The following TRPC4 variants were observed in gnomAD, a reference collection of about 807,000 sequenced individuals.
TRPC4 encodes short transient receptor potential channel 4.
Under a neutral mutation model 99.4 loss-of-function variants are expected in TRPC4, and 49 were observed. The ratio of observed to expected loss-of-function variants is 0.49; its 90% confidence interval spans 0.39 to 0.63. The LOEUF (loss-of-function observed/expected upper bound fraction) is 0.63, where lower values mean the gene tolerates loss of function less well. Ranked by LOEUF, TRPC4 falls within the 20% of genes least tolerant of loss-of-function variation. The pLI, the probability that TRPC4 is intolerant of heterozygous loss-of-function variation, is 0.00. For missense variants in TRPC4, 898 were observed against 1,152.9 expected (o/e 0.78, Z 3.20); for synonymous variants, 454 against 425.9 (o/e 1.07, Z -0.81).
Position 37,642,952 on chromosome 13 carries a change from G to A in TRPC4, c.2080-3653C>T, listed in dbSNP as rs140542217. 5.3e-4 allele frequency among the ~76,000 whole-genome samples: 80 copies of A among 152,084 alleles called. No homozygotes were observed. The East Asian group carries it at 0.014, about 27-fold the overall frequency. On this transcript the variant is annotated intron_variant, in intron 8 of 10. Coordinates refer to ENST00000379705, the MANE Select transcript of TRPC4 (RefSeq NM_016179.4). ...TCACCATGTTGGTCAGGCTGATCTC[G>A]AACTCCTGACCTTGAGATCTGCCTG... is the stretch of plus-strand genomic sequence containing the variant.
intron 7 of TRPC4, among the ~76,000 whole-genome samples, chr13:37,652,156 C>T (rs1952067822): frequency 6.6e-6 from 1 of 152,178 alleles, no homozygotes; most frequent in South Asian, 2.1e-4. Flanking sequence ...AACTTTGGTA[C>T]ATTTGTGGCA....
intron 2 of TRPC4, among the ~76,000 whole-genome samples, chr13:37,750,443 T>G: frequency 6.6e-6 from 1 of 151,672 alleles, no homozygotes; most frequent in African/African-American, 2.4e-5. Flanking sequence ...CATTTGCAAA[T>G]AACTTTTTTA....
At position 37,700,623 on chromosome 13, in the gene TRPC4, C is replaced by T. The variant is rs895561515; in HGVS notation, c.898-8288G>A. 3.3e-5 allele frequency among the ~76,000 whole-genome samples: 5 copies of T among 152,120 alleles called. 1 individual carries two copies. Among genetic ancestry groups the T allele is most frequent in the Admixed American group, 1.3e-4 (2 of 15,268 alleles). ...ATTCCTTTTAACATAATATCAAGAC[C>T]TATAGTTTTAGAAAAAATTAAATTG... On this transcript the variant is annotated intron_variant, in intron 3 of 10. Coordinates refer to ENST00000379705, the MANE Select transcript of TRPC4 (RefSeq NM_016179.4).
chr13:37,733,456 G>T (rs1339874311), intron 3 of TRPC4, among the ~76,000 whole-genome samples: 2 of 152,124 alleles, frequency 1.3e-5, no homozygotes, highest in Non-Finnish European at 1.5e-5. Flanking sequence ...GGATGACTCA[G>T]ATTTCTAACA....
At chr13:37,735,640 GA>G (rs1413942846) in intron 3 of TRPC4, among the ~76,000 whole-genome samples, 2 of 152,026 alleles carry the variant, frequency 1.3e-5, no homozygotes, top group Non-Finnish European at 2.9e-5. Context: ...GTTTTATGCT[GA>G]AAAACAATTC....
At chr13:37,838,673 C>G (rs1034764769) in intron 1 of TRPC4, among the ~76,000 whole-genome samples, 2 of 152,174 alleles carry the variant, frequency 1.3e-5, no homozygotes, top group Non-Finnish European at 1.5e-5. Context: ...TTACCTTTTA[C>G]TTGCCCTGAC....
intron 6 of TRPC4, among the ~76,000 whole-genome samples, chr13:37,663,056 C>T (rs1314001065): frequency 6.6e-6 from 1 of 152,174 alleles, no homozygotes; most frequent in Non-Finnish European, 1.5e-5. Context: ...CTTGAATTTT[C>T]CAACATGAGT....
chr13:37,724,108 C>G lies in TRPC4; in HGVS notation c.897+21829G>C, dbSNP rs148976251. ...TATTTATGAATTCCATATATCACTT[C>G]AAAATAATAAAGTAAATATGTAATT... On this transcript the variant is annotated intron_variant, in intron 3 of 10. Transcript: ENST00000379705. Among the ~76,000 whole-genome samples, 83 of 152,020 alleles carry G rather than the reference C, an allele frequency of 5.5e-4. 1 individual carries two copies. The East Asian group carries it at 0.015, about 27-fold the overall frequency.
Position 37,693,522 on chromosome 13 carries a change from A to T in TRPC4, c.898-1187T>A, listed in dbSNP as rs1593527192. ...TTTACAGGACTCTCCACCCAACTCCACATTTCCCATCTTTCTTCTTTAGTT... is the reference window on the plus strand; with the variant it reads ...TTTACAGGACTCTCCACCCAACTCCTCATTTCCCATCTTTCTTCTTTAGTT... On this transcript the variant is annotated intron_variant, in intron 3 of 10. Transcript: ENST00000379705. 2.0e-5 allele frequency among the ~76,000 whole-genome samples: 3 copies of T among 152,332 alleles called. 1 individual carries two copies. The highest frequency in any genetic ancestry group is 2.0e-4 in the Admixed American group (3 of 15,300).
At position 37,745,757 on chromosome 13, in the gene TRPC4, C is replaced by CCACTTT. The variant is rs1300882847; in HGVS notation, c.897+179_897+180insAAAGTG. ...GAGGCCAAAAACATCAATTATTAAACCATTTATTACCACTCTTCAATGTGA... is the reference window on the plus strand; with the variant it reads ...GAGGCCAAAAACATCAATTATTAAACCACTTTCATTTATTACCACTCTTCAATGTGA... On this transcript the variant is annotated intron_variant, in intron 3 of 10. Coordinates refer to ENST00000379705, the MANE Select transcript of TRPC4 (RefSeq NM_016179.4). Among the ~76,000 whole-genome samples the CCACTTT allele has an allele frequency of 4.6e-5, 7 of 151,756 alleles. No homozygotes were observed. The South Asian group carries it at 1.0e-3, about 22-fold the overall frequency.
rs1025126205 is a variant in TRPC4 at position 37,768,956 on chromosome 13, T to C, written c.378+14000A>G. 4.0e-5 allele frequency among the ~76,000 whole-genome samples: 6 copies of C among 151,466 alleles called. No homozygotes were observed. The Admixed American group carries it at 4.0e-4, about 10-fold the overall frequency. ...TTTAAAATTCATTTTGCTAGACAAT[T>C]AAGCAAAAAGAAACCCAAAGAAATA... is the stretch of plus-strand genomic sequence containing the variant. On this transcript the variant is annotated intron_variant, in intron 2 of 10. Transcript: ENST00000379705.
At chr13:37,764,384 C>T (rs1252915581) in intron 2 of TRPC4, among the ~76,000 whole-genome samples, 2 of 150,112 alleles carry the variant, frequency 1.3e-5, no homozygotes, top group Non-Finnish European at 3.0e-5. Context: ...AATGTATAGA[C>T]CAACTTTGAT....
intron 5 of TRPC4, among the ~76,000 whole-genome samples, chr13:37,665,801 C>T (rs1952626708): frequency 7.2e-6 from 1 of 139,770 alleles, no homozygotes; most frequent in Non-Finnish European, 1.5e-5. Context: ...TGGACCTACT[C>T]TGAAAAGAGC....
intron 1 of TRPC4, among the ~76,000 whole-genome samples, chr13:37,808,157 T>A (rs1382100022): frequency 3.9e-5 from 6 of 152,074 alleles, no homozygotes. Context: ...AAGGTATGCT[T>A]CCAATTATTA....
At chr13:37,680,335 G>A (rs1176651052) in intron 4 of TRPC4, among the ~76,000 whole-genome samples, 1 of 152,192 alleles carries the variant, frequency 6.6e-6, no homozygotes, top group Non-Finnish European at 1.5e-5. Context: ...ATAGTGATAA[G>A]AGCTAGTCTA....
intron 4 of TRPC4, among the ~76,000 whole-genome samples, chr13:37,677,555 G>A (rs1468699079): frequency 6.6e-6 from 1 of 152,044 alleles, no homozygotes; most frequent in Non-Finnish European, 1.5e-5. Flanking sequence ...ATGTTACTAG[G>A]TATATAGAGG....
At chr13:37,663,889 T>C (rs894746296) in intron 5 of TRPC4, among the ~76,000 whole-genome samples, 160 bp from the exon 6 acceptor site, 3 of 152,222 alleles carry the variant, frequency 2.0e-5, no homozygotes, top group African/African-American at 7.2e-5. Flanking sequence ...GGAACACATG[T>C]AGGATACAAA....
Position 37,746,416 on chromosome 13 carries a change from T to G in TRPC4, c.418A>C (p.Thr140Pro), listed in dbSNP as rs752079834. ...ILLDKQFSEF[T>P]PDITPIILAA... is the part of the protein sequence containing the mutation. ...AAAATGATTGGTGTAATGTCTGGAG[T>G]GAATTCAGAGAACTGCTTATCAAGG... is the stretch of plus-strand genomic sequence containing the variant. The change falls in exon 3 of 11, where the codon ACT becomes CCT. Residue 140 changes from threonine (T) to proline (P), a missense_variant. By Grantham distance (38) the Thr-to-Pro change is conservative. Around this residue, in one of 3 missense-constraint regions of TRPC4, gnomAD observed 278 missense variants for 346.6 expected, o/e 0.80. Transcript: ENST00000379705. 4 of 1,612,086 alleles carry G rather than the reference T, an allele frequency of 2.5e-6. No individual in the cohort carries two copies. The highest frequency in any genetic ancestry group is 2.5e-6 in the Non-Finnish European group (3 of 1,179,478).
chr13:37,827,324 A>G (rs61955680), intron 1 of TRPC4, among the ~76,000 whole-genome samples: 3 of 152,144 alleles, frequency 2.0e-5, no homozygotes, highest in Admixed American at 6.5e-5. Flanking sequence ...GAGGAACTGC[A>G]TTCCTTTCGA....
Sources: gnomAD v4.1 joint callset for allele counts (sites outside exome capture counted in the v4.1 genomes callset) on GRCh38, gnomAD v4.1.1 for gene constraint, gnomAD v4.1.1 regional missense constraint, MANE v1.5 for transcripts, NCBI Gene and HGNC (gene_info 2026-07-23, HGNC 2026-07-21) for gene names.